Variants in CAMKK1 observed in about 807,000 individuals in gnomAD.
CAMKK1 encodes the protein calcium/calmodulin-dependent protein kinase kinase 1.
In CAMKK1, 20 loss-of-function variants were observed where a neutral mutation model predicts 63.5. The observed-to-expected ratio is 0.32, with a 90% CI of 0.22 to 0.46. CAMKK1 has a LOEUF of 0.46. CAMKK1 is among the 20% of genes least tolerant of loss of function. The probability of loss-of-function intolerance (pLI) is 1.00; values close to 1 mark genes in which losing one functional copy is unlikely to be tolerated. For synonymous variants in CAMKK1, 253 were observed against 269.0 expected, an observed-to-expected ratio of 0.94 and a Z score of 0.58; for missense variants, 588 against 658.1, an observed-to-expected ratio of 0.89 and a Z score of 1.17.
chr17:3,868,039 T>G (rs1004526807), intron 14 of CAMKK1, among the ~76,000 whole-genome samples: 27 of 115,882 alleles, frequency 2.3e-4, no homozygotes, highest in Admixed American at 5.5e-4. Context: ...GCCGTCTAAC[T>G]GATACACAGG....
rs2055473842 is a variant in CAMKK1, at chr17:3,882,818, G to C, written c.648+224C>G. On this transcript the variant is annotated intron_variant, in intron 6 of 15. Coordinates refer to ENST00000348335, the MANE Select transcript of CAMKK1 (RefSeq NM_032294.3). This position sits in a 1 kb window ranked among gnomAD's most constrained non-coding sequence, Gnocchi z 4.3. ...GAGGGGCTCACTTCTTGCCTCTGGGGCAGCCCCTCACCCTCCATGGGAACT... is the reference window on the plus strand; with the variant it reads ...GAGGGGCTCACTTCTTGCCTCTGGGCCAGCCCCTCACCCTCCATGGGAACT... 6.6e-6 allele frequency among the ~76,000 whole-genome samples: 1 copy of C among 152,124 alleles called. No homozygotes were observed. Among genetic ancestry groups the C allele is most frequent in the Non-Finnish European group, 1.5e-5 (1 of 68,014 alleles).
chr17:3,876,146 G>A, intron 10 of CAMKK1, 77 bp downstream of exon 10: 1 of 1,387,182 alleles, frequency 7.2e-7, no homozygotes, highest in Non-Finnish European at 9.9e-7. Context: ...GCACCCTCAG[G>A]TTAGAAACTG....
In CAMKK1 at chr17:3,864,769, C is replaced by T. The variant is rs568413707; in HGVS notation, c.1445+1139G>A. Among the ~76,000 whole-genome samples the T allele has an allele frequency of 3.6e-4, 55 of 152,320 alleles. 1 individual carries two copies. In the East Asian group the frequency reaches 4.8e-3, roughly 13 times the overall value. ...GACCTCCAGGCCTCTCCCAGGCCCC[C>T]CACCTCATTATGAGGCTCTCCCTGG... On this transcript the variant is annotated intron_variant, in intron 15 of 15. Coordinates refer to ENST00000348335, the MANE Select transcript of CAMKK1 (RefSeq NM_032294.3).
intron 12 of CAMKK1, among the ~76,000 whole-genome samples, chr17:3,871,326 G>GT (rs1567617810): frequency 2.9e-5 from 2 of 69,080 alleles, no homozygotes; most frequent in South Asian, 4.5e-4. Flanking sequence ...TTTGTTTGTT[G>GT]TTTTTTGTTT....
intron 15 of CAMKK1, among the ~76,000 whole-genome samples, chr17:3,863,304 T>C (rs1035577052): frequency 2.0e-5 from 3 of 152,082 alleles, no homozygotes; most frequent in African/African-American, 7.2e-5. Context: ...GAGACCAGCC[T>C]GGCCAAAATG....
At chr17:3,870,404 G>T (rs967284746) in intron 12 of CAMKK1, among the ~76,000 whole-genome samples, 18 of 150,702 alleles carry the variant, frequency 1.2e-4, no homozygotes, top group African/African-American at 3.9e-4. Flanking sequence ...CTCGCTCTGT[G>T]GCCCAGGCTG....
chr17:3,886,678 G>A (rs967084237), intron 1 of CAMKK1, among the ~76,000 whole-genome samples: 2 of 152,094 alleles, frequency 1.3e-5, no homozygotes, highest in African/African-American at 4.8e-5. Flanking sequence ...GGGTGAAACA[G>A]GGGCATGACA....
chr17:3,885,870 A>G (rs1485585351), intron 1 of CAMKK1, 140 bp from the exon 2 acceptor site: 1 of 804,718 alleles, frequency 1.2e-6, no homozygotes, highest in Non-Finnish European at 1.9e-6. Context: ...ACCCAAACTC[A>G]AGTCTGTCCC....
rs368565033 is a variant in CAMKK1, at chr17:3,888,672, T to A, written c.-43-2942A>T. The stretch of plus-strand genomic sequence containing the variant: ...TGCTCGGGACACGCTGAGGCCCAGA[T>A]GGATGCGCGGGCGGGCGGAAGGCGG... On this transcript the variant is annotated intron_variant, in intron 1 of 15. Coordinates refer to ENST00000348335, the MANE Select transcript of CAMKK1 (RefSeq NM_032294.3). Among the ~76,000 whole-genome samples the A allele has an allele frequency of 2.4e-4, 36 of 152,348 alleles. 1 individual carries two copies. In the South Asian group the frequency reaches 7.0e-3, roughly 30 times the overall value.
chr17:3,882,000 C>T, intron 7 of CAMKK1: 1 of 526,280 alleles, frequency 1.9e-6, no homozygotes, highest in East Asian at 3.2e-5. Flanking sequence ...GCCTCTAATT[C>T]CTAAGCCAGT....
intron 15 of CAMKK1, among the ~76,000 whole-genome samples, chr17:3,864,967 A>AC (rs1396918082): frequency 6.6e-6 from 1 of 152,042 alleles, no homozygotes; most frequent in Non-Finnish European, 1.5e-5. Context: ...CCTGGCACTC[A>AC]CCCCTCTGGG....
rs374312422 is a variant in CAMKK1 at position 3,884,327 on chromosome 17, C to T, written c.408+53G>A. ...CCCTCCCACACGAGAGAAGGAGCAGCGCCAAACAGAGAATCCCGAAGCCCC... is the reference window on the plus strand; with the variant it reads ...CCCTCCCACACGAGAGAAGGAGCAGTGCCAAACAGAGAATCCCGAAGCCCC... On this transcript the variant is annotated intron_variant, in intron 3 of 15. Transcript: ENST00000348335. The surrounding 1 kb of genome is among the most constrained non-coding windows in gnomAD (Gnocchi z 4.5). 2.2e-5 allele frequency: 34 copies of T among 1,576,940 alleles called. No individual in the cohort carries two copies. Among genetic ancestry groups the T allele is most frequent in the South Asian group, 2.0e-4 (18 of 90,156 alleles).
chr17:3,879,502 T>G lies in CAMKK1; in HGVS notation c.796+844A>C, dbSNP rs1239389715. On this transcript the variant is annotated intron_variant, in intron 9 of 15. Coordinates refer to ENST00000348335, the MANE Select transcript of CAMKK1 (RefSeq NM_032294.3). This position sits in a 1 kb window ranked among gnomAD's most constrained non-coding sequence, Gnocchi z 4.5. ...TCAGGGGAGGGATTCCCAGCCCTCA[T>G]GCTGTGGCCCGGACAGTGTTTCCAG... The G allele has an allele frequency of 6.6e-6, 1 of 152,402 alleles. No individual in the cohort carries two copies. The highest frequency in any genetic ancestry group is 1.9e-4 in the East Asian group (1 of 5,194). 9.4% of individuals were successfully genotyped at this position (152,402 alleles called of 1,614,324 possible).
intron 15 of CAMKK1, among the ~76,000 whole-genome samples, chr17:3,863,435 C>T (rs1471468385): frequency 6.6e-6 from 1 of 152,226 alleles, no homozygotes; most frequent in Non-Finnish European, 1.5e-5. Context: ...GAGGCGGAGA[C>T]TGCAGTGAGT....
intron 14 of CAMKK1, among the ~76,000 whole-genome samples, chr17:3,867,981 A>AAGCAGGCGCCG (rs1567612580): frequency 8.4e-6 from 1 of 119,736 alleles, no homozygotes; most frequent in African/African-American, 3.7e-5. Flanking sequence ...TCTGGGGGAG[A>AAGCAGGCGCCG]TGCAGGCACC....
intron 13 of CAMKK1, 27 bp from the exon 14 acceptor site, chr17:3,869,642 G>A (rs116805406): frequency 5.0e-6 from 8 of 1,613,808 alleles, no homozygotes; most frequent in Admixed American, 1.7e-5. Flanking sequence ...GGCAGGGAGA[G>A]GGGGAGAGGT....
intron 14 of CAMKK1, among the ~76,000 whole-genome samples, chr17:3,867,319 G>A (rs537027097): frequency 3.3e-5 from 5 of 152,310 alleles, no homozygotes; most frequent in Non-Finnish European, 5.9e-5. Context: ...TCCATGGCAC[G>A]TGGCCAGAGA....
At chr17:3,891,179 G>C (rs561165624) in intron 1 of CAMKK1, among the ~76,000 whole-genome samples, 90 of 151,988 alleles carry the variant, frequency 5.9e-4, no homozygotes, top group African/African-American at 2.0e-3. Flanking sequence ...AAATAGTCAC[G>C]GAGCACCTGC....
chr17:3,880,222 A>C, intron 9 of CAMKK1, 124 bp downstream of exon 9: 1 of 795,080 alleles, frequency 1.3e-6, no homozygotes, highest in Non-Finnish European at 2.0e-6. Flanking sequence ...CCCCACTCCC[A>C]CTGAAGCTGA....
Sources: allele counts gnomAD v4.1 joint callset (sites outside exome capture counted in the v4.1 genomes callset), GRCh38; gene constraint gnomAD v4.1.1; non-coding constraint Gnocchi (gnomAD v3.1); transcripts MANE v1.5; gene names NCBI Gene and HGNC (gene_info 2026-07-23, HGNC 2026-07-21).